GPR158: variants seen among roughly 807,000 people sequenced by gnomAD.
GPR158 encodes the protein G protein-coupled receptor 158, also known as metabotropic glycine receptor.
A neutral mutation model predicts 78.2 loss-of-function variants in GPR158; 30 were observed. That is an observed-to-expected ratio of 0.38 (90% CI 0.29 to 0.52). The LOEUF is 0.52. Among genes scored for constraint, GPR158 ranks in the 20% least tolerant of loss-of-function variants. The pLI is 0.83. For synonymous variants in GPR158, 581 were observed against 591.1 expected, an observed-to-expected ratio of 0.98 and a Z score of 0.25; for missense variants, 1,463 against 1,523.5, an observed-to-expected ratio of 0.96 and a Z score of 0.66.
At chr10:25,580,987 C>T in intron 7 of GPR158, among the ~76,000 whole-genome samples, 1 of 144,834 alleles carries the variant, frequency 6.9e-6, no homozygotes, top group Non-Finnish European at 1.5e-5. Flanking sequence ...TGCAGTGGCG[C>T]AATCTCGGCT....
intron 5 of GPR158, among the ~76,000 whole-genome samples, chr10:25,520,419 A>C (rs1185222980): frequency 2.0e-5 from 3 of 149,910 alleles, no homozygotes; most frequent in Non-Finnish European, 4.4e-5. Context: ...GCTGGTGAGG[A>C]ACTGCGTTCC....
At position 25,497,832 on chromosome 10, in the gene GPR158, G is replaced by A. The variant is rs142721140; in HGVS notation, c.1404+31113G>A. On this transcript the variant is annotated intron_variant, in intron 5 of 10. Transcript: ENST00000376351. ...AAGAGTACCCTTCTACTTTTTTGTT[G>A]AACAGTATTATGGAGACCTTTTTAT... is the stretch of plus-strand genomic sequence containing the variant. Among the ~76,000 whole-genome samples, 693 of 152,008 alleles carry A rather than the reference G, an allele frequency of 4.6e-3. 3 individuals are homozygous for A. Among genetic ancestry groups the A allele is most frequent in the African/African-American group, 0.016 (660 of 41,494 alleles).
At chr10:25,535,175 A>C (rs1378394314) in intron 5 of GPR158, among the ~76,000 whole-genome samples, 1 of 152,236 alleles carries the variant, frequency 6.6e-6, no homozygotes, top group African/African-American at 2.4e-5. Context: ...TTTTTGTGGT[A>C]AATAACTAAT....
rs777171071 is a variant in GPR158 at position 25,596,727 on chromosome 10, T to C, written c.2083T>C (p.Tyr695His). ...GCTAGACATGGGCCGATCTGGATCC[T>C]ACCTGAACAGCAGTATCAATTCAGC... ...DELDMGRSGS[Y>H]LNSSINSAWS... The change falls in exon 10 of 11, where the codon TAC becomes CAC. Residue 695 changes from tyrosine to histidine, a missense_variant. Tyr to His is a moderately conservative substitution (Grantham distance 83). Transcript: ENST00000376351. 3.7e-6 allele frequency: 6 copies of C among 1,613,630 alleles called. No homozygotes were observed. Among genetic ancestry groups the C allele is most frequent in the South Asian group, 1.1e-5 (1 of 91,074 alleles).
At chr10:25,476,485 C>T (rs1773635) in intron 5 of GPR158, among the ~76,000 whole-genome samples, 103,742 of 151,286 alleles carry the variant, frequency 0.69, 35,964 homozygotes, top group East Asian at 0.99. Context: ...GTAATACTTA[C>T]GTTCAGGTTG....
chr10:25,316,572 G>T (rs145927565), intron 2 of GPR158, among the ~76,000 whole-genome samples: 1 of 152,240 alleles, frequency 6.6e-6, no homozygotes, highest in Non-Finnish European at 1.5e-5. Context: ...GTTCTACATT[G>T]ATTTTCATGT....
At chr10:25,194,295 T>A (rs1173335800) in intron 1 of GPR158, among the ~76,000 whole-genome samples, 2 of 152,086 alleles carry the variant, frequency 1.3e-5, no homozygotes, top group Non-Finnish European at 2.9e-5. Context: ...TCACAGCACT[T>A]TGGGAGGCCG....
intron 2 of GPR158, among the ~76,000 whole-genome samples, chr10:25,354,213 G>A (rs1237383323): frequency 6.6e-6 from 1 of 151,950 alleles, no homozygotes; most frequent in African/African-American, 2.4e-5. Flanking sequence ...AAATTAGCCA[G>A]GCGTGGTGGC....
intron 5 of GPR158, among the ~76,000 whole-genome samples, chr10:25,502,477 AG>A (rs1408734034): frequency 6.6e-6 from 1 of 152,184 alleles, no homozygotes; most frequent in Non-Finnish European, 1.5e-5. Flanking sequence ...AATGTGAGTA[AG>A]GGGCAAGGTG....
At chr10:25,350,731 G>A (rs780743474) in intron 2 of GPR158, among the ~76,000 whole-genome samples, 1 of 151,930 alleles carries the variant, frequency 6.6e-6, no homozygotes, top group Non-Finnish European at 1.5e-5. Context: ...GTTGTTTCAG[G>A]ATTAGACCTG....
chr10:25,230,689 A>G (rs529513062), intron 2 of GPR158, among the ~76,000 whole-genome samples: 13 of 152,342 alleles, frequency 8.5e-5, no homozygotes, highest in African/African-American at 3.1e-4. Context: ...GTAAAACAAC[A>G]GGAACTGCAG....
chr10:25,196,478 A>G (rs961032392), intron 1 of GPR158, among the ~76,000 whole-genome samples: 4 of 152,080 alleles, frequency 2.6e-5, no homozygotes, highest in African/African-American at 9.7e-5. Context: ...GTTCTCCTTT[A>G]TGCCACCAGT....
chr10:25,312,345 A>C (rs1301895436), intron 2 of GPR158, among the ~76,000 whole-genome samples: 1 of 152,126 alleles, frequency 6.6e-6, no homozygotes, highest in Non-Finnish European at 1.5e-5. Flanking sequence ...AATGTAAAAC[A>C]TCACATTAAA....
intron 2 of GPR158, among the ~76,000 whole-genome samples, chr10:25,255,269 A>G (rs1228218608): frequency 1.3e-5 from 2 of 152,232 alleles, no homozygotes; most frequent in Non-Finnish European, 2.9e-5. Context: ...AGCTTTGTCC[A>G]TCAAATCACT....
intron 2 of GPR158, among the ~76,000 whole-genome samples, chr10:25,229,650 T>C (rs1040877621): frequency 6.6e-6 from 1 of 152,252 alleles, no homozygotes; most frequent in African/African-American, 2.4e-5. Context: ...TATCTGATTC[T>C]AGGCCTATTT....
At chr10:25,433,121 T>A (rs962418157) in intron 4 of GPR158, among the ~76,000 whole-genome samples, 1 of 152,196 alleles carries the variant, frequency 6.6e-6, no homozygotes, top group Non-Finnish European at 1.5e-5. Flanking sequence ...CAGCCTAATG[T>A]TACTTGGGGA....
At chr10:25,329,313 A>G (rs1588802400) in intron 2 of GPR158, among the ~76,000 whole-genome samples, 1 of 151,538 alleles carries the variant, frequency 6.6e-6, no homozygotes, top group South Asian at 2.1e-4. Context: ...GGTGGCGGGC[A>G]CCTGTAGTCC....
chr10:25,431,740 T>C (rs938247606), intron 4 of GPR158, among the ~76,000 whole-genome samples: 2 of 152,030 alleles, frequency 1.3e-5, no homozygotes, highest in African/African-American at 4.8e-5. Context: ...ATCATCATTC[T>C]CAGTAAACTA....
intron 5 of GPR158, among the ~76,000 whole-genome samples, chr10:25,513,631 T>A (rs984349301): frequency 6.6e-6 from 1 of 152,134 alleles, no homozygotes; most frequent in Non-Finnish European, 1.5e-5. Flanking sequence ...TTGTGCTCCT[T>A]CAGACTTTTG....
Sources: gnomAD v4.1 joint callset for allele counts (sites outside exome capture counted in the v4.1 genomes callset) on GRCh38, gnomAD v4.1.1 for gene constraint, MANE v1.5 for transcripts, NCBI Gene and HGNC (gene_info 2026-07-23, HGNC 2026-07-21) for gene names.